Variants in PSMD14 observed in about 807,000 individuals in gnomAD.
PSMD14 encodes the protein ubiquitin C-terminal hydrolase PSMD14.
Under a neutral mutation model 41.2 loss-of-function variants are expected in PSMD14, and 7 were observed. The ratio of observed to expected loss-of-function variants is 0.17; its 90% CI spans 0.10 to 0.32. PSMD14 has a LOEUF of 0.32. PSMD14 is among the 10% of genes least tolerant of loss of function. The pLI is 1.00. For synonymous variants in PSMD14, 114 were observed against 122.3 expected (o/e 0.93, Z 0.45); for missense variants, 139 against 375.6 (o/e 0.37, Z 5.21).
chr2:161,340,285 A>T (rs1231228207), intron 3 of PSMD14, among the ~76,000 whole-genome samples: 1 of 152,148 alleles, frequency 6.6e-6, no homozygotes, highest in African/African-American at 2.4e-5. Context: ...CCGACAACCA[A>T]GCCAGCCAGA....
chr2:161,363,447 A>T (rs1336777505), intron 3 of PSMD14, among the ~76,000 whole-genome samples: 1 of 152,188 alleles, frequency 6.6e-6, no homozygotes, highest in African/African-American at 2.4e-5. Context: ...TTTTAATTCT[A>T]AATTATTTTT....
intron 3 of PSMD14, among the ~76,000 whole-genome samples, chr2:161,366,122 T>C (rs919382964): frequency 4.6e-5 from 7 of 152,140 alleles, no homozygotes; most frequent in Non-Finnish European, 1.0e-4. Context: ...GTTTTCATTC[T>C]GAAAGAGATC....
intron 7 of PSMD14, chr2:161,384,100 A>G (rs775854597): frequency 6.6e-6 from 1 of 151,672 alleles, no homozygotes; most frequent in African/African-American, 2.4e-5. Context: ...TTCACAAACT[A>G]TTAATTCATG....
intron 7 of PSMD14, among the ~76,000 whole-genome samples, chr2:161,374,336 C>A (rs1368113155): frequency 6.6e-6 from 1 of 151,754 alleles, no homozygotes; most frequent in Non-Finnish European, 1.5e-5. Flanking sequence ...ATGTGTTGTT[C>A]AATTAATTTT....
chr2:161,337,265 C>G (rs1053379705), intron 3 of PSMD14, among the ~76,000 whole-genome samples: 1 of 152,122 alleles, frequency 6.6e-6, no homozygotes, highest in Non-Finnish European at 1.5e-5. Context: ...GTATTTGTTT[C>G]TAAATCATAT....
chr2:161,359,777 C>A (rs566149415), intron 3 of PSMD14, among the ~76,000 whole-genome samples: 8 of 152,216 alleles, frequency 5.3e-5, no homozygotes, highest in Admixed American at 5.2e-4. Flanking sequence ...ACTAAGCTCC[C>A]AGAATAAAAG....
At chr2:161,342,039 G>C (rs1682971539) in intron 3 of PSMD14, among the ~76,000 whole-genome samples, 1 of 151,786 alleles carries the variant, frequency 6.6e-6, no homozygotes, top group Admixed American at 6.6e-5. Flanking sequence ...TTTATATGTG[G>C]TGCAATATAT....
chr2:161,337,428 C>G lies in PSMD14; in HGVS notation c.48+18555C>G, dbSNP rs113968401. Among the ~76,000 whole-genome samples, 172 of 152,264 alleles carry G rather than the reference C, an allele frequency of 1.1e-3. 2 individuals are homozygous for G. The highest frequency in any genetic ancestry group is 3.9e-3 in the African/African-American group (164 of 41,540). On this transcript the variant is annotated intron_variant, in intron 3 of 11. Transcript: ENST00000409682. ...TTATCTCATTTAATCTTTACATTAA[C>G]CAGTACCACGTGGTATGATTAGCAC...
At chr2:161,310,218 T>A (rs954517471) in intron 1 of PSMD14, among the ~76,000 whole-genome samples, 1 of 152,226 alleles carries the variant, frequency 6.6e-6, no homozygotes, top group African/African-American at 2.4e-5. Context: ...ATACTGGCCA[T>A]GTAAACCATG....
intron 7 of PSMD14, chr2:161,382,228 T>C (rs1683578483): frequency 6.6e-6 from 1 of 151,780 alleles, no homozygotes; most frequent in Admixed American, 6.6e-5. Context: ...TTAAAGCTAC[T>C]AACAAGAAGA....
intron 10 of PSMD14, among the ~76,000 whole-genome samples, chr2:161,400,903 G>T (rs1201554297): frequency 6.6e-6 from 1 of 150,686 alleles, no homozygotes; most frequent in African/African-American, 2.4e-5. Context: ...AAATATAGGA[G>T]ACACTAGTCT....
intron 3 of PSMD14, among the ~76,000 whole-genome samples, chr2:161,343,621 A>C (rs1427936925): frequency 4.6e-5 from 7 of 152,204 alleles, no homozygotes; most frequent in African/African-American, 7.2e-5. Context: ...TGAGGTCAGG[A>C]GTTTGAGACC....
chr2:161,339,868 C>T (rs1467882222), intron 3 of PSMD14, among the ~76,000 whole-genome samples: 1 of 152,274 alleles, frequency 6.6e-6, no homozygotes, highest in East Asian at 1.9e-4. Context: ...GGACATTCCC[C>T]AGCCTTCCAT....
rs16845823 is a variant in PSMD14, at chr2:161,397,968, T to A, written c.771+2765T>A. ...TGACTTAAGTAATTATTCAGCAGAC[T>A]GTAGGAATGGTTTTCATTTCTCTTT... On this transcript the variant is annotated intron_variant, in intron 10 of 11. Coordinates refer to ENST00000409682, the MANE Select transcript of PSMD14 (RefSeq NM_005805.6). Among the ~76,000 whole-genome samples, 433 of 152,312 alleles carry A rather than the reference T, an allele frequency of 2.8e-3. 12 individuals are homozygous for A. In the East Asian group the frequency reaches 0.067, roughly 23 times the overall value.
intron 3 of PSMD14, among the ~76,000 whole-genome samples, chr2:161,322,357 G>A (rs1362470621): frequency 6.6e-6 from 1 of 151,984 alleles, no homozygotes; most frequent in Non-Finnish European, 1.5e-5. Flanking sequence ...AAGGTCTTTG[G>A]GCTTTGCTCT....
chr2:161,347,612 A>G (rs1005574763), intron 3 of PSMD14, among the ~76,000 whole-genome samples: 1 of 152,210 alleles, frequency 6.6e-6, no homozygotes, highest in Non-Finnish European at 1.5e-5. Context: ...GCATTCAGAG[A>G]TAGTGAATAA....
At chr2:161,374,640 AT>A (rs1391375590) in intron 7 of PSMD14, among the ~76,000 whole-genome samples, 5 of 151,976 alleles carry the variant, frequency 3.3e-5, no homozygotes, top group African/African-American at 1.2e-4. Context: ...AAATATACAT[AT>A]TTACATATTT....
At chr2:161,341,191 G>T in intron 3 of PSMD14, 3 of 956,794 alleles carry the variant, frequency 3.1e-6, no homozygotes, top group Non-Finnish European at 3.7e-6. Flanking sequence ...TCGGCCGGGG[G>T]CGCGGGTTCC....
intron 3 of PSMD14, among the ~76,000 whole-genome samples, chr2:161,365,277 G>A (rs926095953): frequency 2.6e-5 from 4 of 152,076 alleles, no homozygotes; most frequent in Non-Finnish European, 4.4e-5. Flanking sequence ...CCTCTCTCTC[G>A]AGGTAACTCT....
Sources: allele counts gnomAD v4.1 joint callset (sites outside exome capture counted in the v4.1 genomes callset), GRCh38; gene constraint gnomAD v4.1.1; transcripts MANE v1.5; gene names NCBI Gene and HGNC (gene_info 2026-07-23, HGNC 2026-07-21).